RASGRF2: variants seen among roughly 807,000 people sequenced by gnomAD.
RASGRF2 encodes ras-specific guanine nucleotide-releasing factor 2.
In RASGRF2, 76 loss-of-function variants were observed where a neutral mutation model predicts 151.0. The observed-to-expected ratio is 0.50, with a 90% CI of 0.42 to 0.61. The LOEUF is 0.61. Among genes scored for constraint, RASGRF2 ranks in the 20% least tolerant of loss-of-function variants. The pLI, the probability that RASGRF2 is intolerant of heterozygous loss-of-function variation, is 0.00. For missense variants in RASGRF2, 1,148 were observed against 1,564.6 expected (o/e 0.73, Z 4.49); for synonymous variants, 504 against 566.5 (o/e 0.89, Z 1.57).
chr5:81,034,131 T>G (rs1192752679), intron 1 of RASGRF2, among the ~76,000 whole-genome samples: 2 of 151,844 alleles, frequency 1.3e-5, no homozygotes, highest in African/African-American at 4.8e-5. Flanking sequence ...ATGGCGATCA[T>G]TAAAAAGTCA....
intron 2 of RASGRF2, among the ~76,000 whole-genome samples, chr5:81,061,528 G>A (rs1393408750): frequency 7.2e-6 from 1 of 139,602 alleles, no homozygotes; most frequent in Non-Finnish European, 1.6e-5. Context: ...TTTTTTTTGA[G>A]ACAGGATCTC....
intron 17 of RASGRF2, among the ~76,000 whole-genome samples, chr5:81,177,066 A>G (rs1429357429): frequency 6.6e-6 from 1 of 152,068 alleles, no homozygotes; most frequent in Non-Finnish European, 1.5e-5. Context: ...TGTGGATGTT[A>G]CAATCCCAAC....
At chr5:81,035,499 T>C (rs1045715658) in intron 1 of RASGRF2, among the ~76,000 whole-genome samples, 5 of 151,938 alleles carry the variant, frequency 3.3e-5, no homozygotes, top group Admixed American at 6.6e-5. Context: ...CATTAGGAGA[T>C]ATACCTAATG....
chr5:81,083,029 T>G (rs563176316), intron 7 of RASGRF2, among the ~76,000 whole-genome samples: 1 of 152,172 alleles, frequency 6.6e-6, no homozygotes, highest in Non-Finnish European at 1.5e-5. Context: ...TAGAAAACAC[T>G]TGGGGGAAAT....
intron 17 of RASGRF2, among the ~76,000 whole-genome samples, chr5:81,157,010 G>A (rs1261317539): frequency 6.6e-6 from 1 of 152,038 alleles, no homozygotes; most frequent in Non-Finnish European, 1.5e-5. Flanking sequence ...ATTGTATTTT[G>A]TATATTAACA....
chr5:81,188,160 G>C (rs1016595400), intron 18 of RASGRF2, among the ~76,000 whole-genome samples: 1 of 152,176 alleles, frequency 6.6e-6, no homozygotes, highest in African/African-American at 2.4e-5. Flanking sequence ...GCTCGTGTCA[G>C]TTGGCCACAG....
chr5:80,968,356 A>T (rs77552771), intron 1 of RASGRF2, among the ~76,000 whole-genome samples: 1 of 149,296 alleles, frequency 6.7e-6, no homozygotes, highest in African/African-American at 2.4e-5. Context: ...CCATGTGTAC[A>T]TTTTTTTTTT....
intron 12 of RASGRF2, among the ~76,000 whole-genome samples, chr5:81,098,160 A>T (rs1452107321): frequency 1.3e-5 from 2 of 152,190 alleles, no homozygotes; most frequent in Non-Finnish European, 2.9e-5. Flanking sequence ...ATGTGAGAGT[A>T]AAAGGGTGAA....
At chr5:80,965,195 A>G (rs1163101209) in intron 1 of RASGRF2, among the ~76,000 whole-genome samples, 1 of 152,074 alleles carries the variant, frequency 6.6e-6, no homozygotes, top group Non-Finnish European at 1.5e-5. Context: ...TAATCATCGA[A>G]TGAATTAGGC....
Position 81,080,683 on chromosome 5 carries a change from A to G in RASGRF2, c.1055A>G (p.Asn352Ser), listed in dbSNP as rs754034895. Residue 352 changes from asparagine to serine, a missense_variant, in exon 7 of 27, where the codon AAT (asparagine) becomes AGT (serine). This residue lies in a region of RASGRF2 where 176 missense variants were observed against 309.6 expected (regional missense o/e 0.57). Coordinates refer to ENST00000265080, the MANE Select transcript of RASGRF2 (RefSeq NM_006909.3). ...NHQYSLQVLA[N>S]CKQNRDFDKL... ...CAGTACAGCCTGCAAGTTCTCGCCA[A>G]TTGTAAGCAAAACAGAGATTTTGAC... is the stretch of plus-strand genomic sequence containing the variant. 6 of 1,614,172 alleles carry G rather than the reference A, an allele frequency of 3.7e-6. No individual in the cohort carries two copies. In the South Asian group the frequency reaches 6.6e-5, roughly 18 times the overall value.
chr5:81,037,769 T>C (rs933717459), intron 1 of RASGRF2, among the ~76,000 whole-genome samples: 14 of 152,248 alleles, frequency 9.2e-5, no homozygotes, highest in African/African-American at 2.6e-4. Context: ...AAAGTCAAAA[T>C]AAAAAGGTTT....
intron 1 of RASGRF2, among the ~76,000 whole-genome samples, chr5:80,974,780 A>G (rs1748056679): frequency 6.6e-6 from 1 of 152,204 alleles, no homozygotes; most frequent in Non-Finnish European, 1.5e-5. Context: ...GTGGCAGCAA[A>G]CTAATAGTTG....
intron 12 of RASGRF2, among the ~76,000 whole-genome samples, chr5:81,100,033 G>T (rs1340154375): frequency 6.7e-6 from 1 of 150,048 alleles, no homozygotes; most frequent in Non-Finnish European, 1.5e-5. Flanking sequence ...TCAGCCTCCC[G>T]AGTAGCTGGC....
chr5:81,139,405 C>CTT lies in RASGRF2; in HGVS notation c.2686+12255_2686+12256dup, dbSNP rs757190046. Among the ~76,000 whole-genome samples the CTT allele has an allele frequency of 3.4e-3, 207 of 60,434 alleles. 1 individual carries two copies. The highest frequency in any genetic ancestry group is 9.5e-3 in the African/African-American group (187 of 19,630). 39.6% of individuals were successfully genotyped at this position (60,434 alleles called of 152,430 possible). A position where few individuals can be genotyped will look rare whatever the true frequency, so the allele number is the denominator to read the frequency against. On this transcript the variant is annotated intron_variant, in intron 17 of 26. Coordinates refer to ENST00000265080, the MANE Select transcript of RASGRF2 (RefSeq NM_006909.3). Reference sequence around the variant, plus strand: ...TTTCATTTTCTTTCTTTCTTTCTTTCTTTTTTTTTTTTTTGAGACAGAGTC... The same window carrying CTT: ...TTTCATTTTCTTTCTTTCTTTCTTTCTTTTTTTTTTTTTTTTGAGACAGAGTC...
chr5:81,157,965 A>T (rs1274131690), intron 17 of RASGRF2, among the ~76,000 whole-genome samples: 1 of 152,222 alleles, frequency 6.6e-6, no homozygotes, highest in African/African-American at 2.4e-5. Flanking sequence ...ATCCTTAAAG[A>T]AAAAGTACAG....
intron 17 of RASGRF2, among the ~76,000 whole-genome samples, chr5:81,161,909 GT>G (rs539106479): frequency 2.9e-4 from 42 of 143,502 alleles, no homozygotes; most frequent in South Asian, 1.5e-3. Flanking sequence ...CAGTCAGACC[GT>G]TTTTTTTTTT....
intron 1 of RASGRF2, among the ~76,000 whole-genome samples, chr5:80,979,776 A>C (rs34998): frequency 0.4 from 60,420 of 152,018 alleles, 12,714 homozygotes; most frequent in East Asian, 0.77. Context: ...ATAATAATTA[A>C]ATTTAAGGCT....
intron 5 of RASGRF2, among the ~76,000 whole-genome samples, chr5:81,075,008 G>T (rs182460971): frequency 1.3e-5 from 2 of 152,286 alleles, no homozygotes; most frequent in African/African-American, 4.8e-5. Context: ...GCAGAGAAGG[G>T]GTGTGATGTG....
At chr5:81,205,564 T>A (rs550214467) in intron 19 of RASGRF2, among the ~76,000 whole-genome samples, 138 of 152,312 alleles carry the variant, frequency 9.1e-4, no homozygotes, top group Non-Finnish European at 1.4e-3. Flanking sequence ...TTTTGAGGGT[T>A]GTGGCTGTTG....
Sources: allele counts gnomAD v4.1 joint callset (sites outside exome capture counted in the v4.1 genomes callset), GRCh38; gene constraint gnomAD v4.1.1; regional missense constraint gnomAD v4.1.1; transcripts MANE v1.5; gene names NCBI Gene and HGNC (gene_info 2026-07-23, HGNC 2026-07-21).